The following GPC3 variants were observed in gnomAD, a reference collection of about 807,000 sequenced individuals.
GPC3 encodes the protein glypican-3.
A neutral mutation model predicts 34.4 loss-of-function variants in GPC3; 3 were observed. The observed-to-expected ratio is 0.09, with a 90% CI of 0.04 to 0.23. GPC3 has a LOEUF of 0.23. Among genes scored for constraint, GPC3 ranks in the 10% least tolerant of loss-of-function variants. GPC3 has a pLI of 1.00. For missense variants in GPC3, 351 were observed against 445.6 expected, an observed-to-expected ratio of 0.79 and a Z score of 1.91; for synonymous variants, 177 against 174.0, an observed-to-expected ratio of 1.02 and a Z score of -0.13.
At chrX:133,586,052 A>G (rs1352982003) in intron 7 of GPC3, among the ~76,000 whole-genome samples, 2 of 112,125 alleles carry the variant, frequency 1.8e-5, no homozygotes, top group Non-Finnish European at 3.8e-5. Flanking sequence ...CTCAGATGGG[A>G]AAGTATCACA....
At position 133,855,182 on chromosome X, in the gene GPC3, A is replaced by G. The variant is rs185137136; in HGVS notation, c.337+97868T>C. On this transcript the variant is annotated intron_variant, in intron 2 of 7. Transcript: ENST00000370818. ...CTCTTCTCTTGTCTTTTCTTTGTTG[A>G]GACAGGGTCCTGTTTTGTCACCCAG... Among the ~76,000 whole-genome samples the G allele has an allele frequency of 1.9e-4, 21 of 109,786 alleles. 1 individual carries two copies. The East Asian group carries it at 6.0e-3, about 31-fold the overall frequency.
At chrX:133,837,158 C>A (rs973748169) in intron 2 of GPC3, among the ~76,000 whole-genome samples, 2 of 111,631 alleles carry the variant, frequency 1.8e-5, no homozygotes, top group East Asian at 5.6e-4. Context: ...TAATGCAACC[C>A]AGTGAGTGAG....
intron 3 of GPC3, among the ~76,000 whole-genome samples, chrX:133,741,305 A>AACTTTAATTAGG (rs933271272): frequency 7.2e-5 from 8 of 111,205 alleles, no homozygotes; most frequent in African/African-American, 2.6e-4. Context: ...AAAGAAAGAA[A>AACTTTAATTAGG]ACTTTAATTA....
At chrX:133,870,993 T>C (rs754561599) in intron 2 of GPC3, among the ~76,000 whole-genome samples, 38 of 111,968 alleles carry the variant, frequency 3.4e-4, no homozygotes, top group Admixed American at 8.5e-4. Context: ...TTCTAAAATA[T>C]CTTCTTTGGT....
rs754844607 is a variant in GPC3 at position 133,777,632 on chromosome X, C to G, written c.338-23456G>C. ...ATTACATATGTTGAAATCTGAAAGGCCTTAGAAGTAATCTAAGTCAATGAC... is the reference window on the plus strand; with the variant it reads ...ATTACATATGTTGAAATCTGAAAGGGCTTAGAAGTAATCTAAGTCAATGAC... On this transcript the variant is annotated intron_variant, in intron 2 of 7. Coordinates refer to ENST00000370818, the MANE Select transcript of GPC3 (RefSeq NM_004484.4). Among the ~76,000 whole-genome samples, 6 of 112,093 alleles carry G rather than the reference C, an allele frequency of 5.4e-5. No homozygotes were observed. The South Asian group carries it at 2.3e-3, about 43-fold the overall frequency.
At chrX:133,699,745 A>G in intron 4 of GPC3, 150 bp downstream of exon 4, 1 of 439,277 alleles carries the variant, frequency 2.3e-6, no homozygotes, top group Non-Finnish European at 3.9e-6. Context: ...CTTTTTTTAA[A>G]CATTGACAGA....
intron 2 of GPC3, among the ~76,000 whole-genome samples, chrX:133,823,365 T>C (rs2075730352): frequency 1.8e-5 from 2 of 110,195 alleles, no homozygotes; most frequent in South Asian, 3.8e-4. Context: ...AACATTTCCA[T>C]ATAATTGAAA....
At chrX:133,554,917 T>A (rs1441659636) in intron 7 of GPC3, among the ~76,000 whole-genome samples, 1 of 111,920 alleles carries the variant, frequency 8.9e-6, no homozygotes. Context: ...TATGTTTGAG[T>A]GCTATTTCTT....
chrX:133,645,316 C>T (rs144326602), intron 6 of GPC3, among the ~76,000 whole-genome samples: 1,793 of 111,327 alleles, frequency 0.016, 30 homozygotes, highest in African/African-American at 0.055. Context: ...GCATTTGGCT[C>T]CCCATAGCAT....
intron 2 of GPC3, among the ~76,000 whole-genome samples, chrX:133,809,268 T>A (rs1363114914): frequency 1.8e-5 from 2 of 112,408 alleles, no homozygotes; most frequent in African/African-American, 6.5e-5. Flanking sequence ...ATGAAGTTAG[T>A]TATGTTGGTA....
intron 6 of GPC3, among the ~76,000 whole-genome samples, chrX:133,612,721 A>G (rs2070123939): frequency 8.9e-6 from 1 of 112,361 alleles, no homozygotes; most frequent in Non-Finnish European, 1.9e-5. Context: ...TCAAATCAAG[A>G]TAATATCACC....
At chrX:133,648,861 G>T (rs191353050) in intron 6 of GPC3, among the ~76,000 whole-genome samples, 90 of 111,969 alleles carry the variant, frequency 8.0e-4, no homozygotes, top group Admixed American at 4.1e-3. Flanking sequence ...TCTTTCAAAG[G>T]CTGGCTTAAA....
chrX:133,786,330 G>A (rs1195585209), intron 2 of GPC3, among the ~76,000 whole-genome samples: 9 of 112,307 alleles, frequency 8.0e-5, no homozygotes, highest in African/African-American at 2.9e-4. Context: ...GGGAGGCGGA[G>A]GTTGCAGTGA....
chrX:133,630,208 T>C (rs1283938252), intron 6 of GPC3, among the ~76,000 whole-genome samples: 1 of 112,045 alleles, frequency 8.9e-6, no homozygotes, highest in East Asian at 2.8e-4. Flanking sequence ...TAAGGAATAA[T>C]TGCTAATCAA....
At chrX:133,629,341 C>A (rs371450461) in intron 6 of GPC3, among the ~76,000 whole-genome samples, 23 of 111,719 alleles carry the variant, frequency 2.1e-4, no homozygotes, top group African/African-American at 6.5e-4. Context: ...AGGAGTTGGA[C>A]TACATGAGCT....
intron 3 of GPC3, among the ~76,000 whole-genome samples, chrX:133,709,456 C>G (rs2071247748): frequency 1.8e-5 from 2 of 111,680 alleles, no homozygotes; most frequent in African/African-American, 6.5e-5. Flanking sequence ...CTTGAATCAT[C>G]TATCATACCA....
At chrX:133,655,108 C>T (rs2070642849) in intron 6 of GPC3, among the ~76,000 whole-genome samples, 1 of 111,089 alleles carries the variant, frequency 9.0e-6, no homozygotes, top group African/African-American at 3.3e-5. Context: ...ACCTTTAATC[C>T]TGTGTATTCT....
chrX:133,727,364 G>A (rs749719105), intron 3 of GPC3, among the ~76,000 whole-genome samples: 1 of 110,615 alleles, frequency 9.0e-6, no homozygotes, highest in Non-Finnish European at 1.9e-5. Context: ...TGGCAAACAT[G>A]GTGAAACCCC....
intron 3 of GPC3, among the ~76,000 whole-genome samples, chrX:133,724,620 C>G (rs1027714031): frequency 9.0e-6 from 1 of 111,704 alleles, no homozygotes; most frequent in Non-Finnish European, 1.9e-5. Context: ...AGATTGCATG[C>G]CATTGGTAAG....
Sources: allele counts gnomAD v4.1 joint callset (sites outside exome capture counted in the v4.1 genomes callset), GRCh38; gene constraint gnomAD v4.1.1; transcripts MANE v1.5; gene names NCBI Gene and HGNC (gene_info 2026-07-23, HGNC 2026-07-21).